The following ZCWPW2 variants were observed in gnomAD, a reference collection of about 807,000 sequenced individuals.
The protein encoded by ZCWPW2 is zinc finger CW-type and PWWP domain containing 2.
Under a neutral mutation model 46.6 loss-of-function variants are expected in ZCWPW2, and 45 were observed. The ratio of observed to expected loss-of-function variants is 0.96; its 90% CI spans 0.76 to 1.24. The LOEUF is 1.24. Among genes scored for constraint, ZCWPW2 ranks in the 50% most tolerant of loss-of-function variants. ZCWPW2 has a pLI of 0.00. For synonymous variants in ZCWPW2, 152 were observed against 137.1 expected, an observed-to-expected ratio of 1.11 and a Z score of -0.76; for missense variants, 429 against 403.9, an observed-to-expected ratio of 1.06 and a Z score of -0.53.
intron 6 of ZCWPW2, among the ~76,000 whole-genome samples, chr3:28,505,135 G>A (rs1373974247): frequency 6.6e-6 from 1 of 152,118 alleles, no homozygotes; most frequent in Non-Finnish European, 1.5e-5. Context: ...GTGATCAACT[G>A]CTATTTTTAG....
intron 3 of ZCWPW2, among the ~76,000 whole-genome samples, chr3:28,421,304 T>C (rs1375892001): frequency 6.6e-6 from 1 of 152,138 alleles, no homozygotes; most frequent in African/African-American, 2.4e-5. Flanking sequence ...GAGGGTCTTA[T>C]TAACCCTGGA....
intron 4 of ZCWPW2, among the ~76,000 whole-genome samples, chr3:28,466,092 G>T (rs558703032): frequency 2.7e-4 from 41 of 152,278 alleles, no homozygotes; most frequent in South Asian, 6.2e-4. Flanking sequence ...GCCAAATACT[G>T]CATGTTCTCA....
chr3:28,519,109 C>T (rs988087765), intron 8 of ZCWPW2, among the ~76,000 whole-genome samples: 1 of 152,134 alleles, frequency 6.6e-6, no homozygotes, highest in East Asian at 1.9e-4. Flanking sequence ...TTAGCAGTAA[C>T]CCTAGAACAC....
At chr3:28,523,352 G>C (rs1700772362) in intron 9 of ZCWPW2, among the ~76,000 whole-genome samples, 1 of 152,096 alleles carries the variant, frequency 6.6e-6, no homozygotes, top group Non-Finnish European at 1.5e-5. Context: ...AGCAAAGCTG[G>C]AGAAATTTCA....
At chr3:28,390,712 T>C in intron 2 of ZCWPW2, 95 bp downstream of exon 2, 1 of 915,352 alleles carries the variant, frequency 1.1e-6, no homozygotes, top group Non-Finnish European at 1.3e-6. Context: ...AATTTTAAAA[T>C]GTAAAAAAAT....
At chr3:28,409,122 C>CTTTTTTTTTTTTTTTTTTTTTTTT (rs11328735) in intron 2 of ZCWPW2, among the ~76,000 whole-genome samples, 1 of 82,326 alleles carries the variant, frequency 1.2e-5, no homozygotes, top group Non-Finnish European at 2.2e-5. Context: ...TTTTCTTTTT[C>CTTTTTTTTTTTTTTTTTTTTTTTT]TTTTTTTTTT....
chr3:28,421,834 TTGTGTGTGTGTGTGTGTGTGTG>T (rs71087697), intron 3 of ZCWPW2, among the ~76,000 whole-genome samples: 1 of 133,836 alleles, frequency 7.5e-6, no homozygotes, highest in Non-Finnish European at 1.6e-5. Flanking sequence ...GGAGAATAGT[TTGTGTGTGTGTGTGTGTGTGTG>T]TGTGTGTGTG....
At chr3:28,361,541 A>G (rs1704944788) in intron 1 of ZCWPW2, among the ~76,000 whole-genome samples, 1 of 152,176 alleles carries the variant, frequency 6.6e-6, no homozygotes, top group Non-Finnish European at 1.5e-5. Context: ...AAGTGGGACT[A>G]TATCAAACTA....
At chr3:28,414,378 A>T (rs973538456) in intron 3 of ZCWPW2, among the ~76,000 whole-genome samples, 1 of 151,116 alleles carries the variant, frequency 6.6e-6, no homozygotes, top group Non-Finnish European at 1.5e-5. Flanking sequence ...TCCGGGATAC[A>T]TGTGCAGGTT....
rs1697431710 is a variant in ZCWPW2, at chr3:28,435,215, T to C, written c.438T>C (p.His146=). The C allele has an allele frequency of 6.2e-7, 1 of 1,613,280 alleles. No homozygotes were observed. The highest frequency in any genetic ancestry group is 1.3e-5 in the African/African-American group (1 of 74,898). ...EYHIEFLGDP[H]SRSWIKATFV... is the part of the protein sequence containing the mutation. The stretch of plus-strand genomic sequence containing the variant: ...ACATAGAATTCCTGGGCGATCCCCA[T>C]TCAAGATCATGGATAAAGGCAACAT... The change falls in exon 4 of 10, where the codon CAT becomes CAC. Residue 146 remains histidine (H), a synonymous_variant. Coordinates refer to ENST00000383768, the MANE Select transcript of ZCWPW2 (RefSeq NM_001040432.4).
chr3:28,464,504 G>T (rs962595915), intron 4 of ZCWPW2, among the ~76,000 whole-genome samples: 2 of 152,028 alleles, frequency 1.3e-5, no homozygotes, highest in Non-Finnish European at 2.9e-5. Context: ...CTAACAACCC[G>T]CAAAGCACAC....
At chr3:28,368,540 A>G (rs1312171096) in intron 1 of ZCWPW2, among the ~76,000 whole-genome samples, 1 of 152,144 alleles carries the variant, frequency 6.6e-6, no homozygotes, top group Non-Finnish European at 1.5e-5. Context: ...TGTTAGTCTG[A>G]TGGGCTTCCC....
At chr3:28,351,084 T>C (rs1489738693) in intron 1 of ZCWPW2, among the ~76,000 whole-genome samples, 2 of 151,508 alleles carry the variant, frequency 1.3e-5, no homozygotes, top group Non-Finnish European at 2.9e-5. Context: ...TTTAAACCAT[T>C]ACATTTTTTG....
At chr3:28,369,418 C>G (rs924416561) in intron 1 of ZCWPW2, among the ~76,000 whole-genome samples, 1 of 152,200 alleles carries the variant, frequency 6.6e-6, no homozygotes, top group African/African-American at 2.4e-5. Flanking sequence ...TGCTGGAGGT[C>G]CACTCCAGAC....
intron 4 of ZCWPW2, among the ~76,000 whole-genome samples, chr3:28,448,847 C>T (rs1698111463): frequency 8.6e-6 from 1 of 115,642 alleles, no homozygotes; most frequent in South Asian, 3.1e-4. Context: ...GCAATACTAC[C>T]CAAAGCAATG....
At chr3:28,367,441 G>T (rs1224274439) in intron 1 of ZCWPW2, among the ~76,000 whole-genome samples, 3 of 152,202 alleles carry the variant, frequency 2.0e-5, no homozygotes, top group Non-Finnish European at 4.4e-5. Context: ...CAGTTTCCAT[G>T]TAGTTGTGTG....
intron 5 of ZCWPW2, among the ~76,000 whole-genome samples, chr3:28,489,272 G>C (rs944402499): frequency 6.6e-6 from 1 of 151,944 alleles, no homozygotes; most frequent in African/African-American, 2.4e-5. Context: ...TTTAATGATT[G>C]ATATTTCATT....
intron 4 of ZCWPW2, among the ~76,000 whole-genome samples, chr3:28,448,622 TA>T (rs1048087099): frequency 1.3e-5 from 2 of 150,818 alleles, no homozygotes; most frequent in African/African-American, 4.9e-5. Context: ...CCACCTCTAC[TA>T]AAAATACAAA....
intron 6 of ZCWPW2, among the ~76,000 whole-genome samples, chr3:28,497,744 T>C (rs1392637640): frequency 1.3e-5 from 2 of 152,100 alleles, no homozygotes; most frequent in Non-Finnish European, 2.9e-5. Flanking sequence ...TAAGTGCCTA[T>C]TTTGATTGGC....
Sources: allele counts gnomAD v4.1 joint callset (sites outside exome capture counted in the v4.1 genomes callset), GRCh38; gene constraint gnomAD v4.1.1; transcripts MANE v1.5; gene names NCBI Gene and HGNC (gene_info 2026-07-23, HGNC 2026-07-21).